Variants in PCDH15 observed in about 807,000 individuals in gnomAD.
The protein encoded by PCDH15 is protocadherin related 15.
PCDH15 carries 129 observed loss-of-function variants against 178.5 expected under a neutral mutation model. The ratio of observed to expected loss-of-function variants is 0.72; its 90% CI spans 0.63 to 0.84. PCDH15 has a LOEUF of 0.84. Ranked by LOEUF, PCDH15 falls within the 40% of genes least tolerant of loss-of-function variation. PCDH15 has a pLI of 0.00. For synonymous variants in PCDH15, 800 were observed against 732.0 expected, an observed-to-expected ratio of 1.09 and a Z score of -1.50; for missense variants, 2,230 against 2,099.9, an observed-to-expected ratio of 1.06 and a Z score of -1.21.
At chr10:53,960,885 T>G (rs1159012944) in intron 22 of PCDH15, among the ~76,000 whole-genome samples, 1 of 152,186 alleles carries the variant, frequency 6.6e-6, no homozygotes, top group Non-Finnish European at 1.5e-5. Flanking sequence ...TTATTCTAAG[T>G]AACTATTAAA....
At chr10:54,613,552 A>C (rs1156429905) in intron 2 of PCDH15, among the ~76,000 whole-genome samples, 1 of 151,012 alleles carries the variant, frequency 6.6e-6, no homozygotes, top group Non-Finnish European at 1.5e-5. Context: ...TGCACAAGGT[A>C]ATTGAGGCTA....
chr10:53,965,218 C>T (rs985356237), intron 21 of PCDH15, among the ~76,000 whole-genome samples: 13 of 152,026 alleles, frequency 8.6e-5, no homozygotes, highest in African/African-American at 2.4e-4. Flanking sequence ...CCACCATGCC[C>T]GGCTAATTTT....
At chr10:55,519,285 T>TAAAAAAAA (rs34476517) in intron 2 of PCDH15, among the ~76,000 whole-genome samples, 35 of 134,166 alleles carry the variant, frequency 2.6e-4, no homozygotes, top group African/African-American at 9.3e-4. Flanking sequence ...ATGCTGAGTG[T>TAAAAAAAA]AAAAAAAAAA....
chr10:54,156,016 C>T (rs1460765444), intron 13 of PCDH15, among the ~76,000 whole-genome samples: 2 of 152,080 alleles, frequency 1.3e-5, no homozygotes, highest in Non-Finnish European at 2.9e-5. Flanking sequence ...GGGAAATCTG[C>T]TTCCTAAATG....
At chr10:54,094,085 C>CTA (rs1033814347) in intron 15 of PCDH15, among the ~76,000 whole-genome samples, 1 of 152,164 alleles carries the variant, frequency 6.6e-6, no homozygotes, top group African/African-American at 2.4e-5. Flanking sequence ...TCAGCCTCAG[C>CTA]TATACTATCT....
chr10:54,613,155 G>T (rs1159228852), intron 2 of PCDH15, among the ~76,000 whole-genome samples: 1 of 151,744 alleles, frequency 6.6e-6, no homozygotes, highest in African/African-American at 2.4e-5. Context: ...TTTAAAGCAC[G>T]CTTTAGAGAG....
intron 5 of PCDH15, among the ~76,000 whole-genome samples, chr10:54,367,643 C>A (rs1947003174): frequency 6.6e-6 from 1 of 151,732 alleles, no homozygotes; most frequent in Admixed American, 6.6e-5. Context: ...ACATCACACA[C>A]CGGGGCCTGT....
intron 2 of PCDH15, among the ~76,000 whole-genome samples, chr10:55,107,083 T>C (rs775866483): frequency 2.0e-5 from 3 of 152,236 alleles, no homozygotes; most frequent in Non-Finnish European, 2.9e-5. Flanking sequence ...AGGTTTGCTC[T>C]CTTGTTAGAT....
chr10:54,030,137 C>T (rs917166151), intron 18 of PCDH15, among the ~76,000 whole-genome samples: 2 of 152,032 alleles, frequency 1.3e-5, no homozygotes, highest in Non-Finnish European at 2.9e-5. Flanking sequence ...AAGGTGTGAA[C>T]TACCATGTAG....
intron 2 of PCDH15, among the ~76,000 whole-genome samples, chr10:54,556,938 C>T (rs1394530497): frequency 6.6e-6 from 1 of 151,792 alleles, no homozygotes; most frequent in Non-Finnish European, 1.5e-5. Context: ...AATTATTTGG[C>T]CTTCCTAATT....
intron 1 of PCDH15, among the ~76,000 whole-genome samples, chr10:55,299,955 C>T (rs1488149433): frequency 1.3e-5 from 2 of 152,118 alleles, no homozygotes; most frequent in African/African-American, 4.8e-5. Flanking sequence ...ATATAAACAA[C>T]TTATAACATT....
At chr10:54,215,962 G>C (rs948071873) in intron 9 of PCDH15, among the ~76,000 whole-genome samples, 1 of 146,036 alleles carries the variant, frequency 6.8e-6, no homozygotes, top group East Asian at 2.0e-4. Context: ...AAAATGGCGT[G>C]AACCCGGGAG....
chr10:54,238,757 C>T (rs797003572), intron 8 of PCDH15, among the ~76,000 whole-genome samples: 7 of 150,982 alleles, frequency 4.6e-5, no homozygotes, highest in African/African-American at 1.5e-4. Flanking sequence ...ACCTGTATTT[C>T]TCCCTAAACT....
At chr10:55,552,878 C>T (rs1013158722) in intron 2 of PCDH15, among the ~76,000 whole-genome samples, 1 of 151,378 alleles carries the variant, frequency 6.6e-6, no homozygotes, top group Non-Finnish European at 1.5e-5. Context: ...TACTAAACAA[C>T]GTTTACATTT....
At chr10:55,085,212 T>G (rs1842137709) in intron 2 of PCDH15, among the ~76,000 whole-genome samples, 1 of 151,640 alleles carries the variant, frequency 6.6e-6, no homozygotes, top group East Asian at 1.9e-4. Context: ...AAAGAAAAGG[T>G]GGTATGGGTA....
chr10:54,776,485 A>C (rs916103291), intron 1 of PCDH15, among the ~76,000 whole-genome samples: 1 of 152,070 alleles, frequency 6.6e-6, no homozygotes, highest in Admixed American at 6.6e-5. Context: ...CCTCAGACTT[A>C]AGCTTACCCT....
intron 21 of PCDH15, among the ~76,000 whole-genome samples, chr10:53,971,606 A>G (rs10733924): frequency 0.7 from 107,081 of 152,016 alleles, 38,111 homozygotes; most frequent in East Asian, 0.87. Flanking sequence ...GATACAAAAT[A>G]AATGTGCAAA....
intron 2 of PCDH15, among the ~76,000 whole-genome samples, chr10:54,563,536 C>G (rs1468510304): frequency 1.3e-5 from 2 of 152,158 alleles, no homozygotes; most frequent in East Asian, 1.9e-4. Context: ...GTTATTGGCT[C>G]TGGCAGCAAA....
intron 1 of PCDH15, among the ~76,000 whole-genome samples, chr10:54,779,452 T>TATGTGTATATATATATACACA (rs1566221590): frequency 1.8e-5 from 2 of 110,862 alleles, no homozygotes; most frequent in African/African-American, 3.6e-5. Flanking sequence ...ATATATACAC[T>TATGTGTATATATATATACACA]CATATATGTG....
Sources: allele counts gnomAD v4.1 joint callset (sites outside exome capture counted in the v4.1 genomes callset), GRCh38; gene constraint gnomAD v4.1.1; transcripts MANE v1.5; gene names NCBI Gene and HGNC (gene_info 2026-07-23, HGNC 2026-07-21).